Variants in PCDH7 observed in about 807,000 individuals in gnomAD.
PCDH7 encodes protocadherin 7.
In PCDH7, 17 loss-of-function variants were observed where a neutral mutation model predicts 58.9. The observed-to-expected ratio is 0.29, with a 90% confidence interval of 0.20 to 0.43. The LOEUF (loss-of-function observed/expected upper bound fraction) is 0.43, where lower values mean the gene tolerates loss of function less well. Among genes scored for constraint, PCDH7 ranks in the 20% least tolerant of loss-of-function variants. PCDH7 has a pLI of 1.00. For missense variants in PCDH7, 1,274 were observed against 1,441.0 expected (o/e 0.88, Z 1.88); for synonymous variants, 664 against 616.4 (o/e 1.08, Z -1.14).
intron 1 of PCDH7, among the ~76,000 whole-genome samples, chr4:30,816,582 A>T (rs968081218): frequency 2.0e-5 from 3 of 152,098 alleles, no homozygotes; most frequent in Non-Finnish European, 4.4e-5. Flanking sequence ...TTTGGGGAGT[A>T]GAGTTTCATA....
intron 3 of PCDH7, among the ~76,000 whole-genome samples, chr4:31,013,993 C>T (rs1227059665): frequency 1.3e-5 from 2 of 151,886 alleles, no homozygotes; most frequent in Non-Finnish European, 2.9e-5. Flanking sequence ...GCAAAGAAAT[C>T]ATACAGCAAT....
At chr4:30,811,405 G>T (rs9291551) in intron 1 of PCDH7, among the ~76,000 whole-genome samples, 2,249 of 152,192 alleles carry the variant, frequency 0.015, 61 homozygotes, top group African/African-American at 0.051. Context: ...ATAAAAAAAA[G>T]GATGACAGTT....
chr4:30,743,643 C>T (rs1331590757), intron 1 of PCDH7, among the ~76,000 whole-genome samples: 3 of 151,984 alleles, frequency 2.0e-5, no homozygotes, highest in African/African-American at 7.2e-5. Flanking sequence ...GAAAAAATAT[C>T]GGCCTCTGAG....
At chr4:31,056,468 A>AGAAAGAAAGAAG (rs1491333577) in intron 3 of PCDH7, among the ~76,000 whole-genome samples, 1 of 127,662 alleles carries the variant, frequency 7.8e-6, no homozygotes, top group Non-Finnish European at 1.7e-5. Flanking sequence ...GAAGAAAGAA[A>AGAAAGAAAGAAG]GAAAGAAAGA....
At chr4:31,066,144 C>T (rs141622694) in intron 3 of PCDH7, among the ~76,000 whole-genome samples, 5 of 151,980 alleles carry the variant, frequency 3.3e-5, no homozygotes, top group Admixed American at 3.3e-4. Flanking sequence ...TAAGGCTCCA[C>T]TTGACACTCT....
chr4:30,951,653 C>G (rs1001620387), intron 3 of PCDH7, among the ~76,000 whole-genome samples: 1 of 152,098 alleles, frequency 6.6e-6, no homozygotes, highest in Non-Finnish European at 1.5e-5. Context: ...TTTGTATGGG[C>G]ACAATGTTAA....
In PCDH7 at chr4:31,010,786, A is replaced by C. The variant is rs1377062721; in HGVS notation, c.*7+60571A>C. Among the ~76,000 whole-genome samples, 6 of 151,950 alleles carry C rather than the reference A, an allele frequency of 3.9e-5. No individual in the cohort carries two copies. The East Asian group carries it at 9.6e-4, about 24-fold the overall frequency. On this transcript the variant is annotated intron_variant, in intron 3 of 3. Coordinates refer to the PCDH7 transcript ENST00000509759. ...TTAACCAGACCTCCACCTACAGCAAATAATAAGAATAAGAAGAAAAAAGGT... is the reference window on the plus strand; with the variant it reads ...TTAACCAGACCTCCACCTACAGCAACTAATAAGAATAAGAAGAAAAAAGGT...
chr4:30,736,986 G>A (rs1716394213), downstream of PCDH7, among the ~76,000 whole-genome samples: 1 of 152,096 alleles, frequency 6.6e-6, no homozygotes, highest in Admixed American at 6.6e-5. Flanking sequence ...TAGTGAAATT[G>A]GGAGTTACAG....
At chr4:30,838,021 C>T (rs1730730321) in intron 1 of PCDH7, among the ~76,000 whole-genome samples, 1 of 151,372 alleles carries the variant, frequency 6.6e-6, no homozygotes, top group African/African-American at 2.4e-5. Flanking sequence ...AATATTGTAG[C>T]GAAATATCTT....
intron 1 of PCDH7, among the ~76,000 whole-genome samples, chr4:30,887,159 A>G (rs889885103): frequency 6.6e-6 from 1 of 152,160 alleles, no homozygotes; most frequent in African/African-American, 2.4e-5. Context: ...ATGTATAGGG[A>G]CAATCTTGTT....
At chr4:30,862,616 A>T (rs964474217) in intron 1 of PCDH7, among the ~76,000 whole-genome samples, 15 of 152,294 alleles carry the variant, frequency 9.8e-5, no homozygotes, top group South Asian at 4.1e-4. Context: ...AATTGCAAAT[A>T]TCCTTTTAGG....
At chr4:31,070,344 T>A (rs535195297) in intron 3 of PCDH7, among the ~76,000 whole-genome samples, 1 of 152,158 alleles carries the variant, frequency 6.6e-6, no homozygotes, top group Non-Finnish European at 1.5e-5. Flanking sequence ...CATCTGACAA[T>A]GAATACTTTT....
At chr4:30,873,809 G>C (rs1735928806) in intron 1 of PCDH7, among the ~76,000 whole-genome samples, 1 of 151,776 alleles carries the variant, frequency 6.6e-6, no homozygotes, top group Non-Finnish European at 1.5e-5. Flanking sequence ...TGGGTTTGTT[G>C]CTTAATTATA....
intron 3 of PCDH7, among the ~76,000 whole-genome samples, chr4:31,080,416 A>G (rs921093761): frequency 1.3e-5 from 2 of 152,194 alleles, no homozygotes; most frequent in African/African-American, 4.8e-5. Context: ...GGTAACAGCC[A>G]TTGTATTTGT....
At chr4:30,902,491 T>A (rs1740348737) in intron 1 of PCDH7, among the ~76,000 whole-genome samples, 1 of 152,192 alleles carries the variant, frequency 6.6e-6, no homozygotes, top group Non-Finnish European at 1.5e-5. Flanking sequence ...TAATGCTATT[T>A]CTTAATACGT....
At chr4:31,023,936 C>G (rs1457181973) in intron 3 of PCDH7, among the ~76,000 whole-genome samples, 2 of 152,136 alleles carry the variant, frequency 1.3e-5, no homozygotes, top group Admixed American at 1.3e-4. Context: ...TAGTAGAACT[C>G]AAGGTCAGGG....
intron 1 of PCDH7, chr4:30,786,620 G>A (rs183554901): frequency 1.1e-3 from 221 of 202,114 alleles, no homozygotes; most frequent in African/African-American, 5.1e-3. Flanking sequence ...CTTAAAGAAG[G>A]AAAGAATACT....
chr4:30,933,763 A>G (rs1016034653), intron 2 of PCDH7, among the ~76,000 whole-genome samples: 5 of 152,188 alleles, frequency 3.3e-5, no homozygotes, highest in Non-Finnish European at 5.9e-5. Flanking sequence ...TGTGTGCATA[A>G]GAAACAATTC....
chr4:31,138,152 T>TC (rs1719841618), intron 3 of PCDH7, among the ~76,000 whole-genome samples: 1 of 150,684 alleles, frequency 6.6e-6, no homozygotes, highest in East Asian at 2.0e-4. Flanking sequence ...AAAGATTCTA[T>TC]TATCTATCTG....
Sources: gnomAD v4.1 joint callset for allele counts (sites outside exome capture counted in the v4.1 genomes callset) on GRCh38, gnomAD v4.1.1 for gene constraint, MANE v1.5 for transcripts, NCBI Gene and HGNC (gene_info 2026-07-23, HGNC 2026-07-21) for gene names.